The following GTF2IRD1 variants were observed in gnomAD, a reference collection of about 807,000 sequenced individuals.
GTF2IRD1 encodes the protein general transcription factor II-I repeat domain-containing protein 1.
GTF2IRD1 carries 26 observed loss-of-function variants against 113.2 expected under a neutral mutation model. That is an observed-to-expected ratio of 0.23 (90% CI 0.17 to 0.32). The LOEUF is 0.32. Among genes scored for constraint, GTF2IRD1 ranks in the 10% least tolerant of loss-of-function variants. The probability of loss-of-function intolerance (pLI) is 1.00; values close to 1 mark genes in which losing one functional copy is unlikely to be tolerated. For synonymous variants in GTF2IRD1, 484 were observed against 529.1 expected, an observed-to-expected ratio of 0.91 and a Z score of 1.17; for missense variants, 864 against 1,280.8, an observed-to-expected ratio of 0.67 and a Z score of 4.97.
chr7:74,504,472 G>T (rs1796197838), intron 1 of GTF2IRD1, among the ~76,000 whole-genome samples: 1 of 152,140 alleles, frequency 6.6e-6, no homozygotes, highest in East Asian at 1.9e-4. Flanking sequence ...CTGTGTGTCA[G>T]CTCTGCGTGT....
chr7:74,519,837 G>T (rs1395177827), intron 6 of GTF2IRD1, 118 bp downstream of exon 6: 8 of 697,254 alleles, frequency 1.1e-5, no homozygotes, highest in Non-Finnish European at 1.9e-5. Flanking sequence ...AAGGAGCCAT[G>T]TCTGGGCATG....
At chr7:74,553,086 C>T (rs59860521) in intron 17 of GTF2IRD1, among the ~76,000 whole-genome samples, 9,152 of 152,216 alleles carry the variant, frequency 0.06, 853 homozygotes, top group African/African-American at 0.2. Context: ...GATCCATCCA[C>T]CTTGACCTCC....
chr7:74,526,904 C>T (rs989013822), intron 8 of GTF2IRD1, among the ~76,000 whole-genome samples: 5 of 152,196 alleles, frequency 3.3e-5, no homozygotes, highest in South Asian at 2.1e-4. Context: ...ATGCCAAAGC[C>T]GCCAACGCAG....
At chr7:74,477,983 C>T (rs540122907) in intron 1 of GTF2IRD1, among the ~76,000 whole-genome samples, 4 of 152,308 alleles carry the variant, frequency 2.6e-5, no homozygotes, top group East Asian at 1.9e-4. Context: ...GGGTTGGCAC[C>T]GCCCCAGAGC....
At chr7:74,559,568 G>T (rs1355555473) in intron 21 of GTF2IRD1, 59 bp from the exon 22 acceptor site, 8 of 1,483,756 alleles carry the variant, frequency 5.4e-6, no homozygotes, top group East Asian at 2.4e-5. Flanking sequence ...AATCCCAGGG[G>T]TGTCTTCCTC....
chr7:74,498,743 A>G (rs1257690748), intron 1 of GTF2IRD1, among the ~76,000 whole-genome samples: 1 of 138,536 alleles, frequency 7.2e-6, no homozygotes, highest in Non-Finnish European at 1.6e-5. Context: ...TTTTTTTTTT[A>G]AATAAGATGG....
chr7:74,492,195 G>C (rs1159804826), intron 1 of GTF2IRD1, among the ~76,000 whole-genome samples: 6 of 147,230 alleles, frequency 4.1e-5, no homozygotes, highest in African/African-American at 1.5e-4. Context: ...TTTTGAGACA[G>C]AGTCTCACTC....
At chr7:74,571,036 T>G in intron 22 of GTF2IRD1, 1 of 928,926 alleles carries the variant, frequency 1.1e-6, no homozygotes, top group South Asian at 4.9e-5. Context: ...CTTTTAGTTC[T>G]CCTCTCACCC....
At chr7:74,463,208 C>T (rs1793492262) in intron 1 of GTF2IRD1, among the ~76,000 whole-genome samples, 1 of 152,148 alleles carries the variant, frequency 6.6e-6, no homozygotes, top group Non-Finnish European at 1.5e-5. Context: ...CGAGTGATGT[C>T]ACATCTCTGG....
In GTF2IRD1 at chr7:74,567,403, G is replaced by C. The variant is rs769731626; in HGVS notation, c.2320+7748G>C. ...AAGCCCAGGGAGAAACTTACTGAAGGGGGTGATTGGTTGCACCAGCCTCTG... is the reference window on the plus strand; with the variant it reads ...AAGCCCAGGGAGAAACTTACTGAAGCGGGTGATTGGTTGCACCAGCCTCTG... On this transcript the variant is annotated intron_variant, in intron 22 of 26. Coordinates refer to ENST00000424337, the MANE Select transcript of GTF2IRD1 (RefSeq NM_005685.4). 1.2e-4 allele frequency among the ~76,000 whole-genome samples: 19 copies of C among 152,104 alleles called. 1 individual carries two copies. Among genetic ancestry groups the C allele is most frequent in the Admixed American group, 4.6e-4 (7 of 15,240 alleles).
chr7:74,496,373 CATATATGTGTGTG>C (rs1584520703), intron 1 of GTF2IRD1, among the ~76,000 whole-genome samples: 1 of 131,788 alleles, frequency 7.6e-6, no homozygotes, highest in African/African-American at 3.0e-5. Flanking sequence ...TGTGTGTGTG[CATATATGTGTGTG>C]ATATATGTGG....
chr7:74,521,919 T>C (rs2267822), intron 7 of GTF2IRD1, among the ~76,000 whole-genome samples: 44,141 of 152,022 alleles, frequency 0.29, 7,543 homozygotes, highest in African/African-American at 0.46. Flanking sequence ...GTCAAAATGT[T>C]GGCTGGGGCT....
intron 8 of GTF2IRD1, among the ~76,000 whole-genome samples, chr7:74,528,943 GTGGATGGA>G (rs782015964): frequency 0.036 from 4,779 of 133,900 alleles, 335 homozygotes; most frequent in East Asian, 0.32. Flanking sequence ...GGGTGGATGG[GTGGATGGA>G]TGGATGGATG....
At chr7:74,579,152 T>C (rs1319894959) in intron 22 of GTF2IRD1, among the ~76,000 whole-genome samples, 1 of 152,012 alleles carries the variant, frequency 6.6e-6, no homozygotes, top group Non-Finnish European at 1.5e-5. Flanking sequence ...CAAGATCCTG[T>C]CTCTACAAAA....
At chr7:74,553,372 C>T (rs1799419592) in intron 17 of GTF2IRD1, among the ~76,000 whole-genome samples, 3 of 152,076 alleles carry the variant, frequency 2.0e-5, no homozygotes, top group African/African-American at 7.2e-5. Context: ...CTCACTGCAG[C>T]CTTAAACTCC....
At chr7:74,544,004 G>C (rs782358100) in intron 14 of GTF2IRD1, among the ~76,000 whole-genome samples, 5 of 151,960 alleles carry the variant, frequency 3.3e-5, no homozygotes, top group Non-Finnish European at 7.4e-5. Flanking sequence ...AGCTGTGATT[G>C]CTCCACTGCA....
At chr7:74,514,085 C>A (rs1554343799) in intron 3 of GTF2IRD1, among the ~76,000 whole-genome samples, 1 of 152,148 alleles carries the variant, frequency 6.6e-6, no homozygotes, top group Non-Finnish European at 1.5e-5. Flanking sequence ...TCAACCCACT[C>A]ATCTGTGAAA....
intron 7 of GTF2IRD1, among the ~76,000 whole-genome samples, chr7:74,523,071 T>C (rs1554346355): frequency 6.6e-6 from 1 of 152,130 alleles, no homozygotes; most frequent in East Asian, 1.9e-4. Context: ...ACTCAGCCCT[T>C]AGCCAGACAT....
At chr7:74,553,662 G>A (rs111911201) in intron 17 of GTF2IRD1, among the ~76,000 whole-genome samples, 1 of 152,178 alleles carries the variant, frequency 6.6e-6, no homozygotes, top group African/African-American at 2.4e-5. Context: ...TGCAGTGGCC[G>A]ACGGGAGAGG....
Sources: gnomAD v4.1 joint callset for allele counts (sites outside exome capture counted in the v4.1 genomes callset) on GRCh38, gnomAD v4.1.1 for gene constraint, MANE v1.5 for transcripts, NCBI Gene and HGNC (gene_info 2026-07-23, HGNC 2026-07-21) for gene names.